The following SIL1 variants were observed in gnomAD, a reference collection of about 807,000 sequenced individuals.
The protein encoded by SIL1 is SIL1 nucleotide exchange factor.
Under a neutral mutation model 49.1 loss-of-function variants are expected in SIL1, and 40 were observed. The observed-to-expected ratio is 0.81, with a 90% CI of 0.63 to 1.06. The LOEUF (loss-of-function observed/expected upper bound fraction) is 1.06, where lower values mean the gene tolerates loss of function less well. Ranked by LOEUF, SIL1 falls within the 50% of genes least tolerant of loss-of-function variation. The pLI, the probability that SIL1 is intolerant of heterozygous loss-of-function variation, is 0.00. For synonymous variants in SIL1, 253 were observed against 250.8 expected (o/e 1.01, Z -0.08); for missense variants, 500 against 572.6 (o/e 0.87, Z 1.29).
rs568811622 is a variant in SIL1 at position 139,167,145 on chromosome 5, C to T, written c.-11+31124G>A. ...GTATTTTTAGTAGAGACTACTAACA[C>T]GGTTTCGCCATGTTGCCCAGGCTGA... On this transcript the variant is annotated intron_variant, in intron 1 of 9. Transcript: ENST00000394817. Among the ~76,000 whole-genome samples the T allele has an allele frequency of 2.6e-5, 4 of 151,728 alleles. No individual in the cohort carries two copies. The East Asian group carries it at 5.8e-4, about 22-fold the overall frequency.
chr5:139,196,152 T>C (rs1432940451), intron 1 of SIL1, among the ~76,000 whole-genome samples: 1 of 152,170 alleles, frequency 6.6e-6, no homozygotes, highest in Non-Finnish European at 1.5e-5. Context: ...ATTATGCCAC[T>C]GCACTCCGGC....
intron 7 of SIL1, among the ~76,000 whole-genome samples, chr5:138,971,285 A>G (rs1209775628): frequency 6.6e-6 from 1 of 152,034 alleles, no homozygotes; most frequent in African/African-American, 2.4e-5. Context: ...GGAGGTGGCC[A>G]AGTCTATTAA....
At chr5:138,952,411 G>A (rs891294060) in intron 7 of SIL1, among the ~76,000 whole-genome samples, 4 of 152,228 alleles carry the variant, frequency 2.6e-5, no homozygotes, top group South Asian at 2.1e-4. Flanking sequence ...TGCGGGAGAA[G>A]GCAGGAAGAA....
chr5:139,061,436 T>C (rs915819515), intron 3 of SIL1, among the ~76,000 whole-genome samples: 3 of 152,228 alleles, frequency 2.0e-5, no homozygotes, highest in African/African-American at 7.2e-5. Flanking sequence ...CAGTCATACG[T>C]GGACACAATG....
chr5:138,953,585 G>A (rs1225365457), intron 7 of SIL1, among the ~76,000 whole-genome samples: 2 of 152,250 alleles, frequency 1.3e-5, no homozygotes, highest in African/African-American at 4.8e-5. Context: ...AGAGCAGCCT[G>A]GAGATGGGCC....
chr5:138,975,603 C>T (rs1261439870), intron 7 of SIL1, among the ~76,000 whole-genome samples: 1 of 152,172 alleles, frequency 6.6e-6, no homozygotes, highest in Non-Finnish European at 1.5e-5. Flanking sequence ...GTGTTGGTGC[C>T]TCCCACATTA....
chr5:138,968,166 C>G (rs937315133), intron 7 of SIL1, among the ~76,000 whole-genome samples: 6 of 152,086 alleles, frequency 3.9e-5, no homozygotes, highest in African/African-American at 1.4e-4. Context: ...GCATAGCAGG[C>G]CCTGCCCTGG....
intron 3 of SIL1, among the ~76,000 whole-genome samples, chr5:139,101,694 G>A (rs553346483): frequency 6.6e-6 from 1 of 152,262 alleles, no homozygotes; most frequent in South Asian, 2.1e-4. Flanking sequence ...GACCTGTTTT[G>A]TATCTCCTCC....
At chr5:139,170,988 G>C (rs1255048527) in intron 1 of SIL1, among the ~76,000 whole-genome samples, 1 of 148,508 alleles carries the variant, frequency 6.7e-6, no homozygotes, top group African/African-American at 2.5e-5. Flanking sequence ...CGCCCCGTCC[G>C]GGAGGTGAGG....
intron 1 of SIL1, among the ~76,000 whole-genome samples, chr5:139,170,176 G>C (rs556690937): frequency 6.6e-6 from 1 of 152,198 alleles, no homozygotes; most frequent in African/African-American, 2.4e-5. Context: ...GTGCTCAATG[G>C]TGCCCAGGCT....
intron 3 of SIL1, among the ~76,000 whole-genome samples, chr5:139,072,370 G>A (rs888681945): frequency 5.9e-5 from 9 of 152,066 alleles, no homozygotes; most frequent in Admixed American, 4.6e-4. Flanking sequence ...AGTATATTGC[G>A]AATATAAAAC....
At chr5:139,176,773 G>A (rs1048819427) in intron 1 of SIL1, among the ~76,000 whole-genome samples, 1 of 152,000 alleles carries the variant, frequency 6.6e-6, no homozygotes, top group Admixed American at 6.5e-5. Context: ...GAACCACCTC[G>A]AGGGTTAGGT....
At chr5:139,054,160 A>C (rs1374352590) in intron 3 of SIL1, among the ~76,000 whole-genome samples, 1 of 152,226 alleles carries the variant, frequency 6.6e-6, no homozygotes, top group Non-Finnish European at 1.5e-5. Flanking sequence ...TCACACCTGT[A>C]ATTCCAGCAC....
At chr5:139,049,821 A>G (rs961393754) in intron 4 of SIL1, among the ~76,000 whole-genome samples, 13 of 151,786 alleles carry the variant, frequency 8.6e-5, no homozygotes, top group African/African-American at 3.1e-4. Context: ...AATCATCATC[A>G]TCATCATCCA....
chr5:139,084,697 G>C (rs2151772497), intron 3 of SIL1, among the ~76,000 whole-genome samples: 1 of 141,424 alleles, frequency 7.1e-6, no homozygotes, highest in East Asian at 2.1e-4. Flanking sequence ...TGACACATTA[G>C]TGGGTGCAGC....
At chr5:139,065,506 G>A (rs991966903) in intron 3 of SIL1, among the ~76,000 whole-genome samples, 5 of 152,218 alleles carry the variant, frequency 3.3e-5, no homozygotes, top group African/African-American at 9.6e-5. Flanking sequence ...GCTTATAAAA[G>A]CAGCTACCCT....
rs1751465085 is a variant in SIL1, at chr5:139,159,406, G to A, written c.-10-31553C>T. Among the ~76,000 whole-genome samples, 3 of 152,348 alleles carry A rather than the reference G, an allele frequency of 2.0e-5. No individual in the cohort carries two copies. In the East Asian group the frequency reaches 5.8e-4, roughly 29 times the overall value. On this transcript the variant is annotated intron_variant, in intron 1 of 9. Coordinates refer to ENST00000394817, the MANE Select transcript of SIL1 (RefSeq NM_022464.5). ...TCAAGTTTCTGAAACGTAAGACCAT[G>A]AAAGGGGATGTTAAAATAAATTGAG... is the stretch of plus-strand genomic sequence containing the variant.
chr5:138,956,910 G>A (rs1476272527), intron 7 of SIL1, among the ~76,000 whole-genome samples: 2 of 152,136 alleles, frequency 1.3e-5, no homozygotes, highest in Admixed American at 6.5e-5. Context: ...ATCACTTTGT[G>A]TTGGGACCTG....
chr5:138,982,386 C>T (rs2150399966), intron 7 of SIL1, among the ~76,000 whole-genome samples: 1 of 152,328 alleles, frequency 6.6e-6, no homozygotes, highest in East Asian at 1.9e-4. Flanking sequence ...TCTGCCCCTC[C>T]CTCCATTAGG....
Sources: gnomAD v4.1 joint callset for allele counts (sites outside exome capture counted in the v4.1 genomes callset) on GRCh38, gnomAD v4.1.1 for gene constraint, MANE v1.5 for transcripts, NCBI Gene and HGNC (gene_info 2026-07-23, HGNC 2026-07-21) for gene names.